The following KCNIP1 variants were observed in gnomAD, a reference collection of about 807,000 sequenced individuals.
KCNIP1 encodes A-type potassium channel modulatory protein KCNIP1.
In KCNIP1, 18 loss-of-function variants were observed where a neutral mutation model predicts 33.0. That is an observed-to-expected ratio of 0.55 (90% CI 0.38 to 0.81). The LOEUF is 0.81. Among genes scored for constraint, KCNIP1 ranks in the 30% least tolerant of loss-of-function variants. The probability of loss-of-function intolerance (pLI) is 0.00; values close to 1 mark genes in which losing one functional copy is unlikely to be tolerated. For synonymous variants in KCNIP1, 93 were observed against 98.3 expected (o/e 0.95, Z 0.32); for missense variants, 238 against 271.6 (o/e 0.88, Z 0.87).
At chr5:170,725,816 A>C (rs894120270) in intron 5 of KCNIP1, among the ~76,000 whole-genome samples, 1 of 152,190 alleles carries the variant, frequency 6.6e-6, no homozygotes. Flanking sequence ...AATTAAAAAT[A>C]AAAAATAAAT....
chr5:170,382,243 T>C (rs985415417), intron 1 of KCNIP1, among the ~76,000 whole-genome samples: 2 of 152,214 alleles, frequency 1.3e-5, no homozygotes, highest in African/African-American at 4.8e-5. Flanking sequence ...ACAGCAATAA[T>C]TTCCAACCTT....
At chr5:170,702,321 C>T (rs1027892244) in intron 1 of KCNIP1, among the ~76,000 whole-genome samples, 5 of 152,348 alleles carry the variant, frequency 3.3e-5, no homozygotes, top group African/African-American at 4.8e-5. Flanking sequence ...ATCCAGTGTG[C>T]GGCCTTGGAT....
chr5:170,378,443 G>A (rs1195659496), intron 1 of KCNIP1: 7 of 458,288 alleles, frequency 1.5e-5, no homozygotes, highest in African/African-American at 1.4e-4. Context: ...AGTCAGTTGA[G>A]TGGGGACAGG....
At chr5:170,502,155 G>C (rs1429168399), upstream of KCNIP1, among the ~76,000 whole-genome samples, 1 of 152,208 alleles carries the variant, frequency 6.6e-6, no homozygotes, top group East Asian at 1.9e-4. Context: ...TTCTCTCTGG[G>C]GTAATGATCA....
rs531537912 is a variant in KCNIP1, at chr5:170,492,931, G to T, written c.88+138967G>T. Among the ~76,000 whole-genome samples, 4 of 152,224 alleles carry T rather than the reference G, an allele frequency of 2.6e-5. No individual in the cohort carries two copies. The East Asian group carries it at 7.7e-4, about 29-fold the overall frequency. ...TGCCTGGCTAATTTTTGTATTTTTA[G>T]TAGAGACGGGGTTTCACCATGCTGG... On this transcript the variant is annotated intron_variant, in intron 1 of 7. Transcript: ENST00000377360.
intron 1 of KCNIP1, among the ~76,000 whole-genome samples, chr5:170,669,162 T>C (rs114967039): frequency 0.012 from 1,827 of 152,306 alleles, 27 homozygotes; most frequent in Non-Finnish European, 0.017. Flanking sequence ...GTGATCTCTA[T>C]TGAATGAACG....
At chr5:170,392,449 T>G (rs1032933678) in intron 1 of KCNIP1, among the ~76,000 whole-genome samples, 2 of 152,236 alleles carry the variant, frequency 1.3e-5, no homozygotes, top group Non-Finnish European at 2.9e-5. Flanking sequence ...TTACAGTTGC[T>G]GGTGATAGTG....
chr5:170,700,434 T>A (rs1017750713), intron 1 of KCNIP1, among the ~76,000 whole-genome samples: 2 of 152,250 alleles, frequency 1.3e-5, no homozygotes, highest in Admixed American at 6.5e-5. Flanking sequence ...CTTGGCATTG[T>A]GGCATCTGCC....
chr5:170,550,321 G>T (rs570075046), intron 1 of KCNIP1, among the ~76,000 whole-genome samples: 1 of 152,314 alleles, frequency 6.6e-6, no homozygotes, highest in Non-Finnish European at 1.5e-5. Flanking sequence ...AAACTGGGTG[G>T]TTTTTAAGGC....
At chr5:170,437,679 G>A (rs1755896507) in intron 1 of KCNIP1, among the ~76,000 whole-genome samples, 2 of 152,172 alleles carry the variant, frequency 1.3e-5, no homozygotes, top group South Asian at 4.1e-4. Flanking sequence ...CTTCAAAGCG[G>A]GACTCTGCCC....
chr5:170,399,538 A>G (rs909977948), intron 1 of KCNIP1, among the ~76,000 whole-genome samples: 2 of 152,236 alleles, frequency 1.3e-5, no homozygotes, highest in African/African-American at 4.8e-5. Context: ...AAAAAGGGGG[A>G]AAATAAAAAT....
chr5:170,715,315 A>G (rs945611303), intron 1 of KCNIP1, among the ~76,000 whole-genome samples: 1 of 152,174 alleles, frequency 6.6e-6, no homozygotes, highest in African/African-American at 2.4e-5. Context: ...CTGCCTAACA[A>G]CACATTTCTC....
chr5:170,435,747 C>T (rs539642804), intron 1 of KCNIP1, among the ~76,000 whole-genome samples: 1 of 152,266 alleles, frequency 6.6e-6, no homozygotes, highest in Non-Finnish European at 1.5e-5. Context: ...TGCACGGAGC[C>T]CAGCAAGGTG....
At chr5:170,485,887 C>T (rs1372234159) in intron 1 of KCNIP1, 4 of 152,312 alleles carry the variant, frequency 2.6e-5, no homozygotes, top group African/African-American at 9.7e-5. Context: ...ATCATCAAGA[C>T]TGGAGGGACA....
chr5:170,648,470 G>A (rs148474412), intron 1 of KCNIP1, among the ~76,000 whole-genome samples: 24 of 152,276 alleles, frequency 1.6e-4, no homozygotes, highest in African/African-American at 5.3e-4. Context: ...GAGCTATCAA[G>A]CCAGTAGAAG....
At chr5:170,413,521 T>C (rs1755250864) in intron 1 of KCNIP1, among the ~76,000 whole-genome samples, 1 of 151,864 alleles carries the variant, frequency 6.6e-6, no homozygotes, top group Admixed American at 6.5e-5. Context: ...TGCACTTCTC[T>C]GAGCTTCAGT....
chr5:170,715,021 C>T (rs548456989), intron 1 of KCNIP1, among the ~76,000 whole-genome samples: 1 of 152,320 alleles, frequency 6.6e-6, no homozygotes, highest in East Asian at 1.9e-4. Flanking sequence ...AACTTCCAGT[C>T]CTGTAACTTC....
At chr5:170,539,962 C>T (rs1467195098) in intron 1 of KCNIP1, among the ~76,000 whole-genome samples, 1 of 152,080 alleles carries the variant, frequency 6.6e-6, no homozygotes, top group East Asian at 1.9e-4. Flanking sequence ...GCCTGCATGC[C>T]CACACTGAAA....
intron 1 of KCNIP1, among the ~76,000 whole-genome samples, chr5:170,408,255 C>G (rs1332333260): frequency 6.6e-6 from 1 of 152,124 alleles, no homozygotes; most frequent in South Asian, 2.1e-4. Context: ...TATTGACTGG[C>G]AGAGAACTGT....
Sources: gnomAD v4.1 joint callset for allele counts (sites outside exome capture counted in the v4.1 genomes callset) on GRCh38, gnomAD v4.1.1 for gene constraint, MANE v1.5 for transcripts, NCBI Gene and HGNC (gene_info 2026-07-23, HGNC 2026-07-21) for gene names.